Variants in AP3S1 observed in about 807,000 individuals in gnomAD.
AP3S1 encodes the protein AP-3 complex subunit sigma-1.
In AP3S1, 12 loss-of-function variants were observed where a neutral mutation model predicts 21.3. The observed-to-expected ratio is 0.56, with a 90% confidence interval of 0.36 to 0.91. The LOEUF (loss-of-function observed/expected upper bound fraction) is 0.91. Ranked by LOEUF, AP3S1 falls within the 40% of genes least tolerant of loss-of-function variation. The pLI, the probability that AP3S1 is intolerant of heterozygous loss-of-function variation, is 0.01. For synonymous variants in AP3S1, 48 were observed against 78.4 expected, an observed-to-expected ratio of 0.61 and a Z score of 2.05; for missense variants, 116 against 225.0, an observed-to-expected ratio of 0.52 and a Z score of 3.10.
intron 3 of AP3S1, among the ~76,000 whole-genome samples, chr5:115,889,846 C>T (rs923499163): frequency 6.6e-6 from 1 of 151,890 alleles, no homozygotes; most frequent in African/African-American, 2.4e-5. Flanking sequence ...AGAAAATGAG[C>T]AGAAATCTTG....
intron 3 of AP3S1, among the ~76,000 whole-genome samples, chr5:115,877,613 G>T (rs1748849881): frequency 6.6e-6 from 1 of 152,202 alleles, no homozygotes; most frequent in Admixed American, 6.5e-5. Flanking sequence ...ATGGGCATTT[G>T]GGTTGGTTCC....
rs1276219299 is a variant in AP3S1, at chr5:115,913,955, A to G, written c.*465A>G. 6.5e-6 allele frequency: 1 copy of G among 152,778 alleles called. No homozygotes were observed. Among genetic ancestry groups the G allele is most frequent in the Non-Finnish European group, 1.5e-5 (1 of 68,094 alleles). 9.5% of individuals were successfully genotyped at this position (152,778 alleles called of 1,614,324 possible). ...ATTATGACTTTTTTCTCTTAGTTTAAATAAACTCCAAGGTAACTGGACTTC... is the reference window on the plus strand; with the variant it reads ...ATTATGACTTTTTTCTCTTAGTTTAGATAAACTCCAAGGTAACTGGACTTC... On this transcript the variant is annotated 3_prime_UTR_variant, in exon 6 of 6. Transcript: ENST00000316788.
intron 1 of AP3S1, among the ~76,000 whole-genome samples, chr5:115,859,486 A>G (rs1226175045): frequency 1.3e-5 from 2 of 152,192 alleles, no homozygotes; most frequent in Non-Finnish European, 2.9e-5. Flanking sequence ...GCTGATCTTT[A>G]TGGTATAAAT....
At chr5:115,842,205 C>T in intron 1 of AP3S1, 99 bp downstream of exon 1, 2 of 1,454,220 alleles carry the variant, frequency 1.4e-6, no homozygotes, top group Non-Finnish European at 1.8e-6. Flanking sequence ...CGGCGCGCTG[C>T]GGCCCTTGTC....
At chr5:115,875,527 A>G (rs3797568) in intron 3 of AP3S1, among the ~76,000 whole-genome samples, 57,146 of 152,004 alleles carry the variant, frequency 0.38, 11,241 homozygotes, top group Admixed American at 0.46. Flanking sequence ...AAAATTGCCT[A>G]GGAAAACCGA....
At chr5:115,864,690 T>C (rs1763476356) in intron 1 of AP3S1, among the ~76,000 whole-genome samples, 1 of 152,058 alleles carries the variant, frequency 6.6e-6, no homozygotes, top group Admixed American at 6.6e-5. Flanking sequence ...ATGGAAGAGA[T>C]TGTGAATGTA....
chr5:115,889,176 A>G (rs1195757454), intron 3 of AP3S1, among the ~76,000 whole-genome samples: 2 of 152,120 alleles, frequency 1.3e-5, no homozygotes, highest in Non-Finnish European at 2.9e-5. Flanking sequence ...GGTTCTGCTG[A>G]TCTTTTATAA....
At chr5:115,870,851 T>C (rs1748172386) in intron 3 of AP3S1, among the ~76,000 whole-genome samples, 1 of 152,190 alleles carries the variant, frequency 6.6e-6, no homozygotes, top group South Asian at 2.1e-4. Context: ...CATAATTTCA[T>C]GGATGCTGGC....
In AP3S1 at chr5:115,870,147, C is replaced by T. The variant is rs1205426057; in HGVS notation, c.273+19C>T. On this transcript the variant is annotated intron_variant, in intron 3 of 5. Transcript: ENST00000316788. The stretch of plus-strand genomic sequence containing the variant: ...AATTCAAGTAAGTTAACACTTGCTT[C>T]TTACTATCTTAAATAACAGTTTGAC... 9 of 976,074 alleles carry T rather than the reference C, an allele frequency of 9.2e-6. No homozygotes were observed. The highest frequency in any genetic ancestry group is 1.5e-5 in the South Asian group (1 of 68,236). 60.5% of individuals were successfully genotyped at this position (976,074 alleles called of 1,614,324 possible).
At chr5:115,881,482 T>A (rs1430015292) in intron 3 of AP3S1, among the ~76,000 whole-genome samples, 1 of 152,218 alleles carries the variant, frequency 6.6e-6, no homozygotes, top group Non-Finnish European at 1.5e-5. Flanking sequence ...GGATATGAAA[T>A]GCTGGGTTGA....
intron 1 of AP3S1, among the ~76,000 whole-genome samples, chr5:115,855,530 G>A (rs918080074): frequency 6.6e-6 from 1 of 152,024 alleles, no homozygotes; most frequent in African/African-American, 2.4e-5. Flanking sequence ...TGTAGAGATG[G>A]GGTTTCACCA....
At chr5:115,850,741 C>A (rs1233480730) in intron 1 of AP3S1, among the ~76,000 whole-genome samples, 2 of 152,072 alleles carry the variant, frequency 1.3e-5, no homozygotes, top group Non-Finnish European at 2.9e-5. Context: ...TGTGTACATA[C>A]CATCGACCTA....
intron 3 of AP3S1, among the ~76,000 whole-genome samples, chr5:115,884,089 C>G (rs183078739): frequency 2.0e-5 from 3 of 152,224 alleles, no homozygotes; most frequent in Admixed American, 2.0e-4. Flanking sequence ...ATGTTTATCA[C>G]TTTGCACAGT....
intron 3 of AP3S1, among the ~76,000 whole-genome samples, chr5:115,881,964 G>A (rs1487032225): frequency 3.3e-5 from 5 of 151,338 alleles, no homozygotes; most frequent in African/African-American, 9.7e-5. Context: ...TTCAATCTCC[G>A]ATATCCTTTC....
At chr5:115,859,722 T>C (rs1763035196) in intron 1 of AP3S1, among the ~76,000 whole-genome samples, 1 of 152,178 alleles carries the variant, frequency 6.6e-6, no homozygotes, top group African/African-American at 2.4e-5. Flanking sequence ...AGCTAACAGT[T>C]TTCTGTCATA....
chr5:115,882,603 C>T (rs567090835), intron 3 of AP3S1, among the ~76,000 whole-genome samples: 1 of 152,282 alleles, frequency 6.6e-6, no homozygotes, highest in East Asian at 1.9e-4. Flanking sequence ...CGCCAGATGC[C>T]AGCCAGAGCT....
At chr5:115,860,309 A>G (rs571967147) in intron 1 of AP3S1, among the ~76,000 whole-genome samples, 1 of 152,342 alleles carries the variant, frequency 6.6e-6, no homozygotes, top group Non-Finnish European at 1.5e-5. Flanking sequence ...AGAGTCCTTA[A>G]TCACATCTGC....
chr5:115,846,281 T>A (rs1361700665), intron 1 of AP3S1, among the ~76,000 whole-genome samples: 2 of 152,230 alleles, frequency 1.3e-5, no homozygotes, highest in Non-Finnish European at 2.9e-5. Flanking sequence ...AGTGCTGGGA[T>A]GACAGATCTG....
chr5:115,913,373 A>T lies in AP3S1; in HGVS notation c.465A>T (p.Ala155=). Residue 155 remains alanine, a synonymous_variant, in exon 6 of 6, where the codon GCA becomes GCT. Transcript: ENST00000316788. The part of the protein sequence containing the change: ...NKLEKSEAGL[A]GAPARAVSAV... The stretch of plus-strand genomic sequence containing the variant: ...GCTTCTGTATACAGGCTGGCTTAGC[A>T]GGAGCTCCAGCCCGTGCTGTATCAG... 6.2e-7 allele frequency: 1 copy of T among 1,613,444 alleles called. No homozygotes were observed. The highest frequency in any genetic ancestry group is 1.1e-5 in the South Asian group (1 of 90,878).
Sources: allele counts gnomAD v4.1 joint callset (sites outside exome capture counted in the v4.1 genomes callset), GRCh38; gene constraint gnomAD v4.1.1; transcripts MANE v1.5; gene names NCBI Gene and HGNC (gene_info 2026-07-23, HGNC 2026-07-21).